GLI2: variants seen among roughly 807,000 people sequenced by gnomAD.
GLI2 encodes the protein transcription activator GLI2.
A neutral mutation model predicts 78.9 loss-of-function variants in GLI2; 22 were observed. The observed-to-expected ratio is 0.28, with a 90% CI of 0.20 to 0.40. The LOEUF is 0.40. Ranked by LOEUF, GLI2 falls within the 10% of genes least tolerant of loss-of-function variation. GLI2 has a pLI of 1.00. For missense variants in GLI2, 2,097 were observed against 2,213.2 expected, an observed-to-expected ratio of 0.95 and a Z score of 1.05; for synonymous variants, 974 against 963.7, an observed-to-expected ratio of 1.01 and a Z score of -0.20.
intron 4 of GLI2, among the ~76,000 whole-genome samples, chr2:120,953,728 G>A (rs889702328): frequency 6.6e-6 from 1 of 152,184 alleles, no homozygotes; most frequent in African/African-American, 2.4e-5. Flanking sequence ...AGTGGCTCAT[G>A]CCTGTAATTG....
At chr2:120,890,456 TATATAC>T (rs1372698955) in intron 2 of GLI2, among the ~76,000 whole-genome samples, 6 of 134,036 alleles carry the variant, frequency 4.5e-5, no homozygotes, top group Non-Finnish European at 9.7e-5. Flanking sequence ...TATATATATA[TATATAC>T]ACATAAAACT....
chr2:120,784,470 C>T (rs1029787525), intron 1 of GLI2, among the ~76,000 whole-genome samples: 10 of 150,542 alleles, frequency 6.6e-5, no homozygotes, highest in South Asian at 2.1e-4. Context: ...ACATAAAGGG[C>T]GAGTCCTGAG....
chr2:120,977,626 T>C (rs776799200), intron 9 of GLI2, among the ~76,000 whole-genome samples: 6 of 152,100 alleles, frequency 3.9e-5, no homozygotes, highest in Non-Finnish European at 5.9e-5. Flanking sequence ...AAGACCTGAG[T>C]GTCCTGGCCT....
chr2:120,983,860 A>G (rs1682829188), intron 11 of GLI2, among the ~76,000 whole-genome samples: 1 of 152,196 alleles, frequency 6.6e-6, no homozygotes, highest in Non-Finnish European at 1.5e-5. Context: ...CTCTATGGAC[A>G]AGAGCCAGCC....
chr2:120,954,678 C>T (rs1681154559), intron 4 of GLI2, among the ~76,000 whole-genome samples: 1 of 152,168 alleles, frequency 6.6e-6, no homozygotes, highest in Non-Finnish European at 1.5e-5. Context: ...ATTTCATCCT[C>T]GCTGCATCTT....
At chr2:120,844,146 C>T (rs1367478036) in intron 2 of GLI2, among the ~76,000 whole-genome samples, 1 of 152,174 alleles carries the variant, frequency 6.6e-6, no homozygotes, top group African/African-American at 2.4e-5. Context: ...GCAGTCAGCA[C>T]ACGTGTCTGT....
chr2:120,792,685 C>T (rs957892088), intron 1 of GLI2, among the ~76,000 whole-genome samples: 7 of 152,160 alleles, frequency 4.6e-5, no homozygotes, highest in Admixed American at 2.0e-4. Flanking sequence ...TGCAGTGGCG[C>T]GGTCTTGCCT....
rs375732688 is a variant in GLI2, at chr2:120,990,241, A to G, written c.4276A>G (p.Ser1426Gly). The part of the protein sequence containing the change: ...PQDAGGAPDH[S>G]MLYYYGQIHM... ...GGACGCAGGTGGGGCCCCGGACCAC[A>G]GCATGCTCTACTACTACGGCCAGAT... is the stretch of plus-strand genomic sequence containing the variant. Residue 1426 changes from serine (S) to glycine (G), a missense_variant, in exon 14 of 14, where the codon AGC becomes GGC. Around this residue, in one of 5 missense-constraint regions of GLI2, gnomAD observed 1,290 missense variants for 1,261.7 expected, o/e 1.02. Transcript: ENST00000361492. The G allele has an allele frequency of 1.2e-6, 2 of 1,613,662 alleles. No homozygotes were observed. The highest frequency in any genetic ancestry group is 1.6e-4 in the Middle Eastern group (1 of 6,062).
chr2:120,846,386 G>A (rs1352014519), intron 2 of GLI2, among the ~76,000 whole-genome samples: 1 of 152,236 alleles, frequency 6.6e-6, no homozygotes, highest in African/African-American at 2.4e-5. Flanking sequence ...ATAACTGGCT[G>A]GGCCTGGGAG....
At chr2:120,961,137 G>T (rs538647350) in intron 5 of GLI2, among the ~76,000 whole-genome samples, 1 of 152,260 alleles carries the variant, frequency 6.6e-6, no homozygotes, top group Non-Finnish European at 1.5e-5. Context: ...AGATGTTTCC[G>T]ACTGAAATGT....
chr2:120,980,685 C>A (rs1021578556), intron 10 of GLI2, among the ~76,000 whole-genome samples: 2 of 152,158 alleles, frequency 1.3e-5, no homozygotes, highest in Non-Finnish European at 2.9e-5. Flanking sequence ...AGCTAAGGAA[C>A]CATTGCCTAA....
intron 10 of GLI2, among the ~76,000 whole-genome samples, chr2:120,981,975 A>G (rs1259056257): frequency 2.6e-5 from 4 of 152,222 alleles, no homozygotes; most frequent in Admixed American, 6.5e-5. Context: ...GGGTAACAAA[A>G]TGATTAAGAT....
At chr2:120,927,262 C>T in intron 2 of GLI2, 99 bp from the exon 3 acceptor site, 2 of 886,590 alleles carry the variant, frequency 2.3e-6, no homozygotes, top group South Asian at 2.6e-5. Context: ...CCTGGCTGCT[C>T]TTGCTATGAA....
intron 2 of GLI2, among the ~76,000 whole-genome samples, chr2:120,819,733 C>T (rs575003023): frequency 4.1e-4 from 63 of 152,152 alleles, no homozygotes; most frequent in Non-Finnish European, 8.4e-4. Context: ...TGTGCCAGTC[C>T]GTTATGCTGG....
intron 2 of GLI2, among the ~76,000 whole-genome samples, chr2:120,920,145 T>C (rs565529316): frequency 6.0e-4 from 92 of 152,334 alleles, no homozygotes; most frequent in African/African-American, 1.6e-3. Context: ...TGCTAATCTC[T>C]AGGACTGGAC....
intron 1 of GLI2, among the ~76,000 whole-genome samples, chr2:120,772,653 A>G (rs1683557207): frequency 6.6e-6 from 1 of 152,252 alleles, no homozygotes; most frequent in South Asian, 2.1e-4. Flanking sequence ...GGCGGAATGA[A>G]TATCTTCTGC....
chr2:120,990,745 G>C lies in GLI2; in HGVS notation c.*70G>C. On this transcript the variant is annotated 3_prime_UTR_variant, in exon 14 of 14. Coordinates refer to ENST00000361492, the MANE Select transcript of GLI2 (RefSeq NM_001374353.1). Reference sequence around the variant, plus strand: ...TGCCCAGAGCCTGGGGATTCCAGCTGTCTTGTCTTTTTCCAAAAAAGTGTT... The same window carrying C: ...TGCCCAGAGCCTGGGGATTCCAGCTCTCTTGTCTTTTTCCAAAAAAGTGTT... 7.4e-7 allele frequency: 1 copy of C among 1,360,002 alleles called. No individual in the cohort carries two copies. 84.2% of individuals were successfully genotyped at this position (1,360,002 alleles called of 1,614,324 possible).
At chr2:120,956,480 C>A (rs1255531657) in intron 5 of GLI2, among the ~76,000 whole-genome samples, 1 of 152,146 alleles carries the variant, frequency 6.6e-6, no homozygotes, top group African/African-American at 2.4e-5. Context: ...CAGCAAGGAG[C>A]CCGTCTCAAG....
chr2:120,893,762 C>A (rs1400019442), intron 2 of GLI2, among the ~76,000 whole-genome samples: 5 of 152,102 alleles, frequency 3.3e-5, no homozygotes, highest in Non-Finnish European at 1.5e-5. Context: ...CAGGGGGCCT[C>A]TGAACTCCCT....
Sources: allele counts gnomAD v4.1 joint callset (sites outside exome capture counted in the v4.1 genomes callset), GRCh38; gene constraint gnomAD v4.1.1; regional missense constraint gnomAD v4.1.1; transcripts MANE v1.5; gene names NCBI Gene and HGNC (gene_info 2026-07-23, HGNC 2026-07-21).